MYLK4: variants seen among roughly 807,000 people sequenced by gnomAD.
The protein encoded by MYLK4 is caMLCK like.
MYLK4 carries 46 observed loss-of-function variants against 48.1 expected under a neutral mutation model. The ratio of observed to expected loss-of-function variants is 0.96; its 90% confidence interval spans 0.75 to 1.22. MYLK4 has a LOEUF of 1.22. MYLK4 is among the 50% of genes most tolerant of loss of function. MYLK4 has a pLI of 0.00. For missense variants in MYLK4, 451 were observed against 486.1 expected (o/e 0.93, Z 0.68); for synonymous variants, 170 against 180.8 (o/e 0.94, Z 0.48).
chr6:2,678,534 C>T (rs1343571204), intron 9 of MYLK4, among the ~76,000 whole-genome samples, 162 bp from the exon 10 acceptor site: 2 of 152,042 alleles, frequency 1.3e-5, no homozygotes, highest in Non-Finnish European at 2.9e-5. Flanking sequence ...AAAATGCTTG[C>T]CGCCCCCACC....
Position 2,688,878 on chromosome 6 carries a change from G to C in MYLK4, c.314C>G (p.Thr105Ser). ...AKQGAVNSFY[T>S]VSKTEILGGG... ...TCCTAGGATTTCTGTCTTGCTCACAGTATAGAAGCTGTTGACCGCTCCTTG... is the reference window on the plus strand; with the variant it reads ...TCCTAGGATTTCTGTCTTGCTCACACTATAGAAGCTGTTGACCGCTCCTTG... The change falls in exon 4 of 13, where the codon ACT (threonine) becomes AGT (serine). Residue 105 changes from threonine to serine, a missense_variant. By Grantham distance (58) the Thr-to-Ser change is moderately conservative. Transcript: ENST00000274643. 6.2e-7 allele frequency: 1 copy of C among 1,614,198 alleles called. No homozygotes were observed. The highest frequency in any genetic ancestry group is 8.5e-7 in the Non-Finnish European group (1 of 1,180,022).
chr6:2,730,421 T>A (rs1763438218), intron 2 of MYLK4, among the ~76,000 whole-genome samples: 1 of 152,184 alleles, frequency 6.6e-6, no homozygotes, highest in African/African-American at 2.4e-5. Context: ...TTTTCCTTCA[T>A]TGCAGCATTG....
chr6:2,746,346 G>A (rs1764094462), intron 2 of MYLK4, among the ~76,000 whole-genome samples: 1 of 151,810 alleles, frequency 6.6e-6, no homozygotes, highest in African/African-American at 2.4e-5. Context: ...AGAAAAGAAG[G>A]CTATGAAGTG....
At chr6:2,769,249 A>C in the MYLK4 span, among the ~76,000 whole-genome samples, 3 of 152,232 alleles carry the variant, frequency 2.0e-5, no homozygotes, top group African/African-American at 7.2e-5. Context: ...TTACTTTAAC[A>C]GTATTTTTAT....
At chr6:2,762,819 C>G in the MYLK4 span, among the ~76,000 whole-genome samples, 1 of 152,132 alleles carries the variant, frequency 6.6e-6, no homozygotes, top group Non-Finnish European at 1.5e-5. Flanking sequence ...CGTTAGAGGT[C>G]TTAGGTCAGC....
intron 2 of MYLK4, among the ~76,000 whole-genome samples, chr6:2,745,915 AAG>A (rs1202103329): frequency 1.3e-5 from 2 of 149,914 alleles, no homozygotes; most frequent in East Asian, 2.0e-4. Flanking sequence ...ACAGAGTGAG[AAG>A]CTGTCTCAAA....
At chr6:2,720,062 T>C (rs1763013159) in intron 2 of MYLK4, among the ~76,000 whole-genome samples, 2 of 152,084 alleles carry the variant, frequency 1.3e-5, no homozygotes, top group African/African-American at 2.4e-5. Flanking sequence ...CAGGTGATTC[T>C]AATACACAGA....
At chr6:2,683,963 G>A (rs528999405) in intron 6 of MYLK4, among the ~76,000 whole-genome samples, 2 of 152,256 alleles carry the variant, frequency 1.3e-5, no homozygotes, top group East Asian at 1.9e-4. Flanking sequence ...AAGACCCTCC[G>A]TGGATGCCTG....
At chr6:2,763,989 G>C in the MYLK4 span, among the ~76,000 whole-genome samples, 90 of 152,318 alleles carry the variant, frequency 5.9e-4, no homozygotes, top group Non-Finnish European at 1.2e-3. Context: ...AAAATTACCT[G>C]GGTGTGGTGG....
At chr6:2,736,710 T>C (rs1360599673) in intron 2 of MYLK4, among the ~76,000 whole-genome samples, 1 of 152,166 alleles carries the variant, frequency 6.6e-6, no homozygotes, top group Non-Finnish European at 1.5e-5. Flanking sequence ...ACTGTGGCAA[T>C]TCTCAGGGGA....
intron 2 of MYLK4, among the ~76,000 whole-genome samples, chr6:2,697,828 C>G (rs1227005275): frequency 2.0e-5 from 3 of 152,310 alleles, no homozygotes; most frequent in Non-Finnish European, 4.4e-5. Context: ...CCTTCTCTTC[C>G]CCTTCGTTTC....
chr6:2,755,591 G>C (rs1754129837), upstream of MYLK4, among the ~76,000 whole-genome samples: 1 of 151,868 alleles, frequency 6.6e-6, no homozygotes, highest in African/African-American at 2.4e-5. Context: ...GCTTGTGCTG[G>C]AGTGCAGTGG....
At chr6:2,759,051 T>C in the MYLK4 span, among the ~76,000 whole-genome samples, 2 of 152,344 alleles carry the variant, frequency 1.3e-5, no homozygotes, top group East Asian at 1.9e-4. Context: ...ATCTATTGGG[T>C]GTGCAATAGC....
At chr6:2,680,499 T>C (rs1306463696) in intron 7 of MYLK4, 19 of 985,326 alleles carry the variant, frequency 1.9e-5, no homozygotes, top group Non-Finnish European at 2.3e-5. Context: ...TTATCCAGCC[T>C]GTCCTCTGCA....
At chr6:2,763,395 T>C in the MYLK4 span, among the ~76,000 whole-genome samples, 97,303 of 152,168 alleles carry the variant, frequency 0.64, 31,876 homozygotes, top group Non-Finnish European at 0.71. Flanking sequence ...TAAGCAGCGC[T>C]TCTCAGGGAG....
At chr6:2,766,362 G>C in the MYLK4 span, 2 of 1,609,998 alleles carry the variant, frequency 1.2e-6, no homozygotes, top group Non-Finnish European at 1.7e-6. Flanking sequence ...AAGGCCGTGG[G>C]CCAGGATACC....
intron 2 of MYLK4, among the ~76,000 whole-genome samples, chr6:2,717,436 G>A (rs1451150125): frequency 6.6e-6 from 1 of 152,176 alleles, no homozygotes; most frequent in African/African-American, 2.4e-5. Context: ...ATTGACACCT[G>A]CTTCTGGGGC....
chr6:2,683,299 T>G, intron 6 of MYLK4, 137 bp from the exon 7 acceptor site: 1 of 869,234 alleles, frequency 1.2e-6, no homozygotes, highest in Non-Finnish European at 1.8e-6. Context: ...CCTTCTTTAC[T>G]ATCTTACTTA....
chr6:2,770,222 C>G, the MYLK4 span: 6 of 1,614,050 alleles, frequency 3.7e-6, no homozygotes, highest in African/African-American at 2.7e-5. Context: ...GAGCCGCTGT[C>G]GAGTGATTGT....
Sources: allele counts gnomAD v4.1 joint callset (sites outside exome capture counted in the v4.1 genomes callset), GRCh38; gene constraint gnomAD v4.1.1; transcripts MANE v1.5; gene names NCBI Gene and HGNC (gene_info 2026-07-23, HGNC 2026-07-21).